The following NSMCE1 variants were observed in gnomAD, a reference collection of about 807,000 sequenced individuals.
NSMCE1 encodes NSE1 component of SMC5/6 complex.
In NSMCE1, 18 loss-of-function variants were observed where a neutral mutation model predicts 29.6. That is an observed-to-expected ratio of 0.61 (90% CI 0.42 to 0.90). NSMCE1 has a LOEUF of 0.90. NSMCE1 is among the 40% of genes least tolerant of loss of function. NSMCE1 has a pLI of 0.00. For synonymous variants in NSMCE1, 124 were observed against 133.4 expected (o/e 0.93, Z 0.49); for missense variants, 314 against 343.6 (o/e 0.91, Z 0.68).
chr16:27,262,812 C>G (rs1567285766), intron 1 of NSMCE1, among the ~76,000 whole-genome samples: 1 of 152,086 alleles, frequency 6.6e-6, no homozygotes, highest in Non-Finnish European at 1.5e-5. Context: ...AGACAACCTA[C>G]AGAATGGGAG....
At chr16:27,267,363 C>T (rs1452661458) in intron 1 of NSMCE1, among the ~76,000 whole-genome samples, 1 of 152,130 alleles carries the variant, frequency 6.6e-6, no homozygotes, top group Admixed American at 6.5e-5. Context: ...TAACCCAAAC[C>T]AGAACAACCT....
In NSMCE1 at chr16:27,251,207, T is replaced by TATAA. The variant is rs1555477430; in HGVS notation, c.136+6227_136+6228insTTAT. ...ATATATATAAATATATATATATATA[T>TATAA]AAAACTCTGTAGAGTTCAGACTCCT... On this transcript the variant is annotated intron_variant, in intron 2 of 7. Coordinates refer to ENST00000361439, the MANE Select transcript of NSMCE1 (RefSeq NM_145080.4). Among the ~76,000 whole-genome samples the TATAA allele has an allele frequency of 9.3e-3, 658 of 70,540 alleles. 16 individuals carry two copies. The highest frequency in any genetic ancestry group is 0.014 in the Non-Finnish European group (470 of 34,244). 46.3% of individuals were successfully genotyped at this position (70,540 alleles called of 152,430 possible). A position where few individuals can be genotyped will look rare whatever the true frequency, so the allele number is the denominator to read the frequency against.
intron 2 of NSMCE1, among the ~76,000 whole-genome samples, chr16:27,249,130 G>A (rs992339117): frequency 6.6e-6 from 1 of 152,092 alleles, no homozygotes; most frequent in East Asian, 1.9e-4. Context: ...ACGCCCAGCC[G>A]GGTTGAATGT....
intron 7 of NSMCE1, 130 bp from the exon 8 acceptor site, chr16:27,225,366 A>G (rs985234838): frequency 1.5e-6 from 1 of 660,146 alleles, no homozygotes; most frequent in Admixed American, 2.4e-5. Flanking sequence ...TTCACTGCTA[A>G]CCCTCCCCAG....
At position 27,257,566 on chromosome 16, in the gene NSMCE1, T is replaced by C. The variant is rs368917202; in HGVS notation, c.5A>G (p.Gln2Arg). 3.7e-6 allele frequency: 6 copies of C among 1,610,606 alleles called. No individual in the cohort carries two copies. Among genetic ancestry groups the C allele is most frequent in the Non-Finnish European group, 5.1e-6 (6 of 1,178,554 alleles). Residue 2 changes from glutamine to arginine, a missense_variant, in exon 2 of 8, where the codon CAG becomes CGG. Transcript: ENST00000361439. ...GACGCCCATTCTCCTTGTGCTGCCC[T>C]GCATGTGGGAACGAACTGAAAAGGA... MQGSTRRMGVMT... is the reference protein window; with the variant it reads MRGSTRRMGVMT...
At chr16:27,226,892 A>C (rs1596667765) in intron 5 of NSMCE1, 56 bp from the exon 6 acceptor site, 1 of 1,055,484 alleles carries the variant, frequency 9.5e-7, no homozygotes, top group South Asian at 1.3e-5. Context: ...CCCATTCACC[A>C]CCTCTCTTCC....
chr16:27,250,401 T>G (rs569815474), intron 2 of NSMCE1, among the ~76,000 whole-genome samples: 62 of 152,366 alleles, frequency 4.1e-4, no homozygotes, highest in African/African-American at 1.4e-3. Flanking sequence ...TTTATCAGGT[T>G]AAGGAAGTTC....
intron 1 of NSMCE1, among the ~76,000 whole-genome samples, chr16:27,265,388 A>C (rs906521625): frequency 4.6e-5 from 7 of 151,922 alleles, no homozygotes; most frequent in African/African-American, 1.7e-4. Context: ...AGCTGGTCTC[A>C]TACTCCTGGA....
intron 2 of NSMCE1, among the ~76,000 whole-genome samples, chr16:27,246,948 T>C (rs750936156): frequency 6.7e-6 from 1 of 148,188 alleles, no homozygotes; most frequent in Non-Finnish European, 1.5e-5. Context: ...CGCTTCCATA[T>C]TATATCTGCA....
In NSMCE1 at chr16:27,235,302, G is replaced by A. The variant is rs1330369446; in HGVS notation, c.137-3C>T. 3 of 1,611,854 alleles carry A rather than the reference G, an allele frequency of 1.9e-6. No homozygotes were observed. Among genetic ancestry groups the A allele is most frequent in the South Asian group, 1.1e-5 (1 of 90,626 alleles). ...CAACTTATCTACGGTGGCATTGCCT[G>A]GAAATAAACAGACCAAAAAAAGGGG... On this transcript the variant is annotated splice_polypyrimidine_tract_variant and splice_region_variant and intron_variant, in intron 2 of 7. Coordinates refer to ENST00000361439, the MANE Select transcript of NSMCE1 (RefSeq NM_145080.4).
At position 27,226,607 on chromosome 16, in the gene NSMCE1, C is replaced by T. The variant is rs557151706; in HGVS notation, c.600+113G>A. ...CTCCGCCAGCTCTTGTGGGAGGATG[C>T]GCCAGCAGTGCAGGAGGGCTGGGCC... On this transcript the variant is annotated intron_variant, in intron 6 of 7. Coordinates refer to ENST00000361439, the MANE Select transcript of NSMCE1 (RefSeq NM_145080.4). The T allele has an allele frequency of 3.0e-4, 200 of 676,768 alleles. No homozygotes were observed. In the African/African-American group the frequency reaches 3.0e-3, roughly 10 times the overall value. 41.9% of individuals were successfully genotyped at this position (676,768 alleles called of 1,614,324 possible).
chr16:27,255,950 C>T (rs2084082352), intron 2 of NSMCE1, among the ~76,000 whole-genome samples: 1 of 152,208 alleles, frequency 6.6e-6, no homozygotes, highest in Non-Finnish European at 1.5e-5. Context: ...ATGTAATGCA[C>T]TCATGAAGTG....
intron 2 of NSMCE1, among the ~76,000 whole-genome samples, chr16:27,247,036 GTGGC>G (rs1410006503): frequency 6.6e-6 from 1 of 151,616 alleles, no homozygotes; most frequent in East Asian, 1.9e-4. Context: ...AATAGCACAT[GTGGC>G]TACTGAGCAC....
chr16:27,232,172 G>A lies in NSMCE1; in HGVS notation c.483+829C>T, dbSNP rs1263388796. 1.3e-5 allele frequency among the ~76,000 whole-genome samples: 2 copies of A among 152,206 alleles called. No homozygotes were observed. The highest frequency in any genetic ancestry group is 2.9e-5 in the Non-Finnish European group (2 of 68,046). ...AGCAGCAGCCTCTGGCCACGAGTCC[G>A]ACCACCAAGTGAGGAAGCGGGGACC... On this transcript the variant is annotated intron_variant, in intron 5 of 7. Transcript: ENST00000361439. The surrounding 1 kb of genome is among the most constrained non-coding windows in gnomAD (Gnocchi z 4.5).
At chr16:27,226,169 A>G (rs1391797291) in intron 6 of NSMCE1, 1 of 229,016 alleles carries the variant, frequency 4.4e-6, no homozygotes, top group Non-Finnish European at 8.6e-6. Context: ...GCTAATGTGA[A>G]TCAAAAGCTT....
Position 27,232,450 on chromosome 16 carries a change from T to C in NSMCE1, c.483+551A>G, listed in dbSNP as rs1342717823. On this transcript the variant is annotated intron_variant, in intron 5 of 7. Coordinates refer to ENST00000361439, the MANE Select transcript of NSMCE1 (RefSeq NM_145080.4). This position sits in a 1 kb window ranked among gnomAD's most constrained non-coding sequence, Gnocchi z 4.5. The stretch of plus-strand genomic sequence containing the variant: ...GCAGGTCTATGCCTCTTCTAAGCAC[T>C]GGCCCTGAGGAACTCACTGCTGACA... Among the ~76,000 whole-genome samples, 1 of 152,198 alleles carries C rather than the reference T, an allele frequency of 6.6e-6. No individual in the cohort carries two copies. The highest frequency in any genetic ancestry group is 1.5e-5 in the Non-Finnish European group (1 of 68,036).
intron 2 of NSMCE1, among the ~76,000 whole-genome samples, chr16:27,253,026 G>A (rs2084051298): frequency 6.6e-6 from 1 of 152,062 alleles, no homozygotes; most frequent in African/African-American, 2.4e-5. Flanking sequence ...AAGTAGAGAG[G>A]GCACGGAAAC....
chr16:27,225,802 G>A lies in NSMCE1; in HGVS notation c.645C>T (p.Cys215=), dbSNP rs1434203484. 5.0e-6 allele frequency: 8 copies of A among 1,614,082 alleles called. No individual in the cohort carries two copies. Among genetic ancestry groups the A allele is most frequent in the East Asian group, 2.2e-5 (1 of 44,884 alleles). The change falls in exon 7 of 8, where the codon TGC becomes TGT. Residue 215 remains cysteine (C), a synonymous_variant. Transcript: ENST00000361439. ...CATTCGACTGGAAGTACTTGGCCAC[G>A]CAGGGTAAGTGCATCCTGATCCCAC... ...ETCGIRMHLP[C]VAKYFQSNAE...
intron 2 of NSMCE1, 116 bp from the exon 3 acceptor site, chr16:27,235,415 G>A (rs2083810369): frequency 8.7e-7 from 1 of 1,154,522 alleles, no homozygotes; most frequent in African/African-American, 1.5e-5. Flanking sequence ...CCCAGACATG[G>A]GTGGAGGCTG....
Sources: gnomAD v4.1 joint callset for allele counts (sites outside exome capture counted in the v4.1 genomes callset) on GRCh38, gnomAD v4.1.1 for gene constraint, Gnocchi (gnomAD v3.1) non-coding constraint, MANE v1.5 for transcripts, NCBI Gene and HGNC (gene_info 2026-07-23, HGNC 2026-07-21) for gene names.